MNAT1: variants seen among roughly 807,000 people sequenced by gnomAD.
The protein encoded by MNAT1 is MNAT1 component of CDK activating kinase.
A neutral mutation model predicts 42.0 loss-of-function variants in MNAT1; 43 were observed. The observed-to-expected ratio is 1.02, with a 90% CI of 0.80 to 1.32. The LOEUF is 1.32. Ranked by LOEUF, MNAT1 falls within the 40% of genes most tolerant of loss-of-function variation. The pLI is 0.00. For missense variants in MNAT1, 306 were observed against 350.4 expected, an observed-to-expected ratio of 0.87 and a Z score of 1.01; for synonymous variants, 118 against 120.0, an observed-to-expected ratio of 0.98 and a Z score of 0.11.
rs373251570 is a variant in MNAT1 at position 60,832,875 on chromosome 14, C to G, written c.687+14028C>G. On this transcript the variant is annotated intron_variant, in intron 6 of 7. Transcript: ENST00000261245. ...CCTTGAGCAGTGATTTGTAGTTCTCCTTGAAAAGGTCCTTCACATCCCTTG... is the reference window on the plus strand; with the variant it reads ...CCTTGAGCAGTGATTTGTAGTTCTCGTTGAAAAGGTCCTTCACATCCCTTG... Among the ~76,000 whole-genome samples, 30 of 152,120 alleles carry G rather than the reference C, an allele frequency of 2.0e-4. No homozygotes were observed. The South Asian group carries it at 5.4e-3, about 27-fold the overall frequency.
intron 7 of MNAT1, among the ~76,000 whole-genome samples, chr14:60,904,498 T>TTAAAAA (rs1302541204): frequency 6.6e-6 from 1 of 152,152 alleles, no homozygotes; most frequent in Non-Finnish European, 1.5e-5. Context: ...TTTTATGCAG[T>TTAAAAA]TATGGAAAAA....
At chr14:60,761,668 A>C (rs1249058768) in intron 1 of MNAT1, among the ~76,000 whole-genome samples, 1 of 152,134 alleles carries the variant, frequency 6.6e-6, no homozygotes, top group Admixed American at 6.6e-5. Context: ...TTTTAGGGTT[A>C]TGTTTTCCTT....
At chr14:60,889,419 T>G (rs1004206618) in intron 7 of MNAT1, among the ~76,000 whole-genome samples, 15 of 152,180 alleles carry the variant, frequency 9.9e-5, no homozygotes, top group South Asian at 2.1e-4. Context: ...TGAAACTGGA[T>G]CCCTTCCTTA....
In MNAT1 at chr14:60,936,432, G is replaced by A. The variant is rs565717260; in HGVS notation, c.810-31797G>A. Among the ~76,000 whole-genome samples the A allele has an allele frequency of 1.4e-3, 182 of 130,136 alleles. 1 individual carries two copies. The highest frequency in any genetic ancestry group is 5.2e-3 in the African/African-American group (172 of 33,100). The allele number at this position is 130,136 out of a possible 152,430, so 85.4% of individuals were successfully genotyped here. A position where few individuals can be genotyped will look rare whatever the true frequency, so the allele number is the denominator to read the frequency against. ...GTGTGATGTTCCCCTTCCTGTGTCCGTGTGTTCTCATTGTTCATTTCCCAC... is the reference window on the plus strand; with the variant it reads ...GTGTGATGTTCCCCTTCCTGTGTCCATGTGTTCTCATTGTTCATTTCCCAC... On this transcript the variant is annotated intron_variant, in intron 7 of 7. Coordinates refer to ENST00000261245, the MANE Select transcript of MNAT1 (RefSeq NM_002431.4).
chr14:60,780,499 T>C, intron 1 of MNAT1: 2 of 1,514,532 alleles, frequency 1.3e-6, no homozygotes, highest in Non-Finnish European at 9.2e-7. Context: ...GACCACAGTT[T>C]ATTACCAATT....
chr14:60,926,577 G>C (rs756845778), intron 7 of MNAT1, among the ~76,000 whole-genome samples: 1 of 152,184 alleles, frequency 6.6e-6, no homozygotes, highest in Admixed American at 6.5e-5. Context: ...ATATTACAGA[G>C]GATATACGTG....
At chr14:60,895,585 G>C (rs2034938158) in intron 7 of MNAT1, among the ~76,000 whole-genome samples, 1 of 151,902 alleles carries the variant, frequency 6.6e-6, no homozygotes, top group Non-Finnish European at 1.5e-5. Flanking sequence ...TTTATATTCT[G>C]TTTTCCTACA....
At chr14:60,889,022 C>T (rs1307431412) in intron 7 of MNAT1, among the ~76,000 whole-genome samples, 1 of 143,874 alleles carries the variant, frequency 7.0e-6, no homozygotes, top group Non-Finnish European at 1.5e-5. Context: ...GGCCATACTG[C>T]CCAAGGTAAT....
chr14:60,868,343 C>A (rs1260097087), intron 6 of MNAT1, among the ~76,000 whole-genome samples: 1 of 152,134 alleles, frequency 6.6e-6, no homozygotes, highest in Non-Finnish European at 1.5e-5. Context: ...AATTGATTTT[C>A]TAAAAGGCTG....
At chr14:60,838,047 T>G (rs2033441833) in intron 6 of MNAT1, among the ~76,000 whole-genome samples, 1 of 152,164 alleles carries the variant, frequency 6.6e-6, no homozygotes, top group Admixed American at 6.5e-5. Flanking sequence ...ACCTCTCACT[T>G]TTTTTTCCCT....
chr14:60,843,198 G>T (rs1179216997), intron 6 of MNAT1, among the ~76,000 whole-genome samples: 1 of 152,160 alleles, frequency 6.6e-6, no homozygotes, highest in Non-Finnish European at 1.5e-5. Flanking sequence ...ATGATTGATA[G>T]TATCTCATTG....
intron 7 of MNAT1, among the ~76,000 whole-genome samples, chr14:60,909,964 T>A (rs2035310176): frequency 6.6e-6 from 1 of 152,336 alleles, no homozygotes; most frequent in East Asian, 1.9e-4. Flanking sequence ...GAGCATGGAA[T>A]GTTCTTCCAT....
At chr14:60,941,640 A>G (rs1407814375) in intron 7 of MNAT1, among the ~76,000 whole-genome samples, 1 of 151,862 alleles carries the variant, frequency 6.6e-6, no homozygotes, top group East Asian at 1.9e-4. Flanking sequence ...CAGGAGTTCA[A>G]GGCTGGTGCT....
intron 1 of MNAT1, among the ~76,000 whole-genome samples, chr14:60,746,893 A>G (rs1445273294): frequency 1.7e-5 from 1 of 60,554 alleles, no homozygotes; most frequent in Non-Finnish European, 2.8e-5. Flanking sequence ...TTAAAGATTC[A>G]TTTCATATAT....
At chr14:60,795,580 G>A (rs1007299897) in intron 1 of MNAT1, among the ~76,000 whole-genome samples, 5 of 152,060 alleles carry the variant, frequency 3.3e-5, no homozygotes, top group Admixed American at 1.3e-4. Context: ...AACTTTAACC[G>A]AATAAAGCTT....
Position 60,740,524 on chromosome 14 carries a change from A to C in MNAT1, c.89+5573A>C, listed in dbSNP as rs78061943. Among the ~76,000 whole-genome samples the C allele has an allele frequency of 3.2e-3, 491 of 152,254 alleles. No individual in the cohort carries two copies. The highest frequency in any genetic ancestry group is 0.011 in the African/African-American group (468 of 41,556). On this transcript the variant is annotated intron_variant, in intron 1 of 7. Coordinates refer to ENST00000261245, the MANE Select transcript of MNAT1 (RefSeq NM_002431.4). This position sits in a 1 kb window ranked among gnomAD's most constrained non-coding sequence, Gnocchi z 4.1. The stretch of plus-strand genomic sequence containing the variant: ...TAAAAGTTTTATCAGATTAAGTTTG[A>C]ATTTATTTGTTGATAAGAATAATAA...
At position 60,764,372 on chromosome 14, in the gene MNAT1, T is replaced by C. The variant is rs368013400; in HGVS notation, c.89+29421T>C. The stretch of plus-strand genomic sequence containing the variant: ...AGTACATTCTTTCTTTTCTCTTGTT[T>C]ATGATTTTGTGTCTGCTATACCAGT... On this transcript the variant is annotated intron_variant, in intron 1 of 7. Coordinates refer to ENST00000261245, the MANE Select transcript of MNAT1 (RefSeq NM_002431.4). Among the ~76,000 whole-genome samples the C allele has an allele frequency of 1.3e-4, 20 of 152,348 alleles. No individual in the cohort carries two copies. In the South Asian group the frequency reaches 3.3e-3, roughly 25 times the overall value.
intron 1 of MNAT1, among the ~76,000 whole-genome samples, chr14:60,781,973 GA>G (rs1417263694): frequency 0.18 from 24,513 of 137,176 alleles, 2,391 homozygotes; most frequent in Non-Finnish European, 0.25. Context: ...GTGTGTGTGT[GA>G]TTTTTTTTTT....
At chr14:60,771,172 G>GT (rs1263011447) in intron 1 of MNAT1, among the ~76,000 whole-genome samples, 1 of 151,850 alleles carries the variant, frequency 6.6e-6, no homozygotes, top group Non-Finnish European at 1.5e-5. Context: ...AGTATGGAGG[G>GT]TTTTTTTGTT....
Sources: allele counts gnomAD v4.1 joint callset (sites outside exome capture counted in the v4.1 genomes callset), GRCh38; gene constraint gnomAD v4.1.1; non-coding constraint Gnocchi (gnomAD v3.1); transcripts MANE v1.5; gene names NCBI Gene and HGNC (gene_info 2026-07-23, HGNC 2026-07-21).